CSMD2: variants seen among roughly 807,000 people sequenced by gnomAD.
The protein encoded by CSMD2 is CUB and sushi domain-containing protein 2.
CSMD2 carries 130 observed loss-of-function variants against 398.5 expected under a neutral mutation model. That is an observed-to-expected ratio of 0.33 (90% CI 0.28 to 0.38). The LOEUF (loss-of-function observed/expected upper bound fraction) is 0.38. Ranked by LOEUF, CSMD2 falls within the 10% of genes least tolerant of loss-of-function variation. The probability of loss-of-function intolerance (pLI) is 1.00; values close to 1 mark genes in which losing one functional copy is unlikely to be tolerated. For missense variants in CSMD2, 3,829 were observed against 4,764.9 expected (o/e 0.80, Z 5.78); for synonymous variants, 1,828 against 1,908.5 (o/e 0.96, Z 1.10).
intron 6 of CSMD2, 54 bp from the exon 7 acceptor site, chr1:33,825,828 T>C: frequency 7.0e-7 from 1 of 1,434,202 alleles, no homozygotes; most frequent in South Asian, 1.2e-5. Flanking sequence ...TGACCAGGGA[T>C]AAGGGTCCCT....
intron 13 of CSMD2, among the ~76,000 whole-genome samples, chr1:33,754,405 T>C (rs1279701564): frequency 6.6e-6 from 1 of 152,196 alleles, no homozygotes; most frequent in African/African-American, 2.4e-5. Flanking sequence ...CCTTCTGCCA[T>C]AATTGTAAGC....
At chr1:33,709,729 T>C (rs988721225) in intron 21 of CSMD2, among the ~76,000 whole-genome samples, 1 of 152,196 alleles carries the variant, frequency 6.6e-6, no homozygotes, top group Non-Finnish European at 1.5e-5. Flanking sequence ...CTAACCCTTA[T>C]GTGCAAAACA....
intron 13 of CSMD2, among the ~76,000 whole-genome samples, chr1:33,762,234 G>C (rs1438643429): frequency 6.6e-6 from 1 of 152,268 alleles, no homozygotes; most frequent in Non-Finnish European, 1.5e-5. Flanking sequence ...TCCAGCTTTT[G>C]AGCCAGCAGC....
chr1:33,903,145 G>A lies in CSMD2; in HGVS notation c.920+14949C>T, dbSNP rs538106655. On this transcript the variant is annotated intron_variant, in intron 5 of 70. Transcript: ENST00000373381. ...CAGACCAAAACTCTCTGGAAGGAAAGAAACAAAAAGAAAGTGATATTTAAC... is the reference window on the plus strand; with the variant it reads ...CAGACCAAAACTCTCTGGAAGGAAAAAAACAAAAAGAAAGTGATATTTAAC... 1.9e-3 allele frequency among the ~76,000 whole-genome samples: 293 copies of A among 152,168 alleles called. 1 individual carries two copies. The highest frequency in any genetic ancestry group is 6.5e-3 in the African/African-American group (272 of 41,542).
At chr1:33,820,828 C>T (rs1658056071) in intron 7 of CSMD2, among the ~76,000 whole-genome samples, 1 of 151,636 alleles carries the variant, frequency 6.6e-6, no homozygotes, top group Non-Finnish European at 1.5e-5. Context: ...ATGCCAACCA[C>T]CACCTGCTTC....
At chr1:34,053,150 T>TG (rs1436420282) in intron 2 of CSMD2, among the ~76,000 whole-genome samples, 1 of 152,172 alleles carries the variant, frequency 6.6e-6, no homozygotes, top group Non-Finnish European at 1.5e-5. Context: ...CGCCTTCTCT[T>TG]GGGGCACACA....
rs1252577517 is a variant in CSMD2 at position 33,519,796 on chromosome 1, C to T, written c.10736+16G>A. ...GGCCTGCCTGATGCCCGCCCTGCCT[C>T]CTTCCTGCACGGTACCTGTGCTTGT... On this transcript the variant is annotated intron_variant, in intron 69 of 70. Transcript: ENST00000373381. The surrounding 1 kb of genome is among the most constrained non-coding windows in gnomAD (Gnocchi z 5.6). The T allele has an allele frequency of 6.2e-7, 1 of 1,613,656 alleles. No homozygotes were observed. Among genetic ancestry groups the T allele is most frequent in the South Asian group, 1.1e-5 (1 of 91,052 alleles).
chr1:33,630,694 G>T (rs999925050), intron 32 of CSMD2, among the ~76,000 whole-genome samples: 3 of 152,048 alleles, frequency 2.0e-5, no homozygotes, highest in Non-Finnish European at 4.4e-5. Context: ...AAGAAGAAAT[G>T]GTACAGGCCA....
At chr1:33,716,842 G>GTATT (rs1220305799) in intron 19 of CSMD2, among the ~76,000 whole-genome samples, 1 of 152,160 alleles carries the variant, frequency 6.6e-6, no homozygotes, top group Non-Finnish European at 1.5e-5. Context: ...AAGCATTTGT[G>GTATT]TATTTGTTGA....
At chr1:33,644,532 C>A (rs1468988244) in intron 29 of CSMD2, among the ~76,000 whole-genome samples, 1 of 152,140 alleles carries the variant, frequency 6.6e-6, no homozygotes, top group East Asian at 1.9e-4. Context: ...CGTAGTGACT[C>A]TAAGTATCAC....
At chr1:33,685,772 T>C (rs1166328241) in intron 25 of CSMD2, among the ~76,000 whole-genome samples, 1 of 152,222 alleles carries the variant, frequency 6.6e-6, no homozygotes, top group Non-Finnish European at 1.5e-5. Context: ...ACTCCGTCAC[T>C]TGGCTTGCAC....
chr1:33,819,879 G>GCCAAGCCCCGCCCCAAGTCCTT, intron 8 of CSMD2, 42 bp from the exon 9 acceptor site: 1 of 1,608,994 alleles, frequency 6.2e-7, no homozygotes, highest in East Asian at 2.2e-5. Context: ...CCCTGGGCCT[G>GCCAAGCCCCGCCCCAAGTCCTT]CCAAGCCCCG....
chr1:33,583,801 C>T lies in CSMD2; in HGVS notation c.7081G>A (p.Asp2361Asn), dbSNP rs1638888876. The change falls in exon 47 of 71, where the codon GAC becomes AAC. Residue 2361 changes from aspartate (D) to asparagine (N), a missense_variant. Asp to Asn is a conservative substitution (Grantham distance 23). Transcript: ENST00000373381. ...TGGCTCAGGATCACGCCTGTGGAGTCTGTCAGAAGCTCATTTGTTGGACAG... is the reference window on the plus strand; with the variant it reads ...TGGCTCAGGATCACGCCTGTGGAGTTTGTCAGAAGCTCATTTGTTGGACAG... ...VHCPTNELLT[D>N]STGVILSQSY... 6.2e-7 allele frequency: 1 copy of T among 1,613,970 alleles called. No homozygotes were observed. The highest frequency in any genetic ancestry group is 1.3e-5 in the African/African-American group (1 of 74,898).
Position 33,675,753 on chromosome 1 carries a change from A to T in CSMD2, c.4053-12661T>A, listed in dbSNP as rs568811983. Among the ~76,000 whole-genome samples, 4 of 152,326 alleles carry T rather than the reference A, an allele frequency of 2.6e-5. No individual in the cohort carries two copies. In the South Asian group the frequency reaches 8.3e-4, roughly 32 times the overall value. ...AATCCAGCAGCACATCAAAAAGCTTATGCACCATGATCAAGTGGGCTTCAT... is the reference window on the plus strand; with the variant it reads ...AATCCAGCAGCACATCAAAAAGCTTTTGCACCATGATCAAGTGGGCTTCAT... On this transcript the variant is annotated intron_variant, in intron 25 of 70. Coordinates refer to ENST00000373381, the MANE Select transcript of CSMD2 (RefSeq NM_001281956.2).
At chr1:33,708,755 C>T (rs983905760) in intron 22 of CSMD2, among the ~76,000 whole-genome samples, 1 of 152,030 alleles carries the variant, frequency 6.6e-6, no homozygotes, top group Non-Finnish European at 1.5e-5. Context: ...GCATGCACCA[C>T]CACACCCAGC....
At chr1:34,069,349 G>GGT (rs1558330913) in intron 2 of CSMD2, among the ~76,000 whole-genome samples, 3 of 152,152 alleles carry the variant, frequency 2.0e-5, no homozygotes, top group African/African-American at 4.8e-5. Flanking sequence ...CTTTTATGGT[G>GGT]GTGACCTCAG....
intron 6 of CSMD2, among the ~76,000 whole-genome samples, chr1:33,829,318 T>A (rs1278360626): frequency 2.6e-5 from 4 of 152,208 alleles, no homozygotes; most frequent in Non-Finnish European, 5.9e-5. Context: ...CTAGGCAAGA[T>A]CCACATCACC....
At chr1:33,603,148 T>C (rs1570905748) in intron 42 of CSMD2, among the ~76,000 whole-genome samples, 1 of 152,020 alleles carries the variant, frequency 6.6e-6, no homozygotes, top group Non-Finnish European at 1.5e-5. Context: ...CCCCATAGGA[T>C]TGTGGTGGTG....
intron 1 of CSMD2, among the ~76,000 whole-genome samples, chr1:34,161,743 C>T (rs1335041720): frequency 6.6e-6 from 1 of 151,978 alleles, no homozygotes; most frequent in Admixed American, 6.6e-5. Flanking sequence ...CATGAAGACC[C>T]CTTTGAAGAG....
Sources: allele counts gnomAD v4.1 joint callset (sites outside exome capture counted in the v4.1 genomes callset), GRCh38; gene constraint gnomAD v4.1.1; non-coding constraint Gnocchi (gnomAD v3.1); transcripts MANE v1.5; gene names NCBI Gene and HGNC (gene_info 2026-07-23, HGNC 2026-07-21).